The following PSD3 variants were observed in gnomAD, a reference collection of about 807,000 sequenced individuals.
The protein encoded by PSD3 is pleckstrin and Sec7 domain containing 3, also known as PH and SEC7 domain-containing protein 3.
In PSD3, 49 loss-of-function variants were observed where a neutral mutation model predicts 105.5. The ratio of observed to expected loss-of-function variants is 0.46; its 90% confidence interval spans 0.37 to 0.59. The LOEUF is 0.59. Ranked by LOEUF, PSD3 falls within the 20% of genes least tolerant of loss-of-function variation. PSD3 has a pLI of 0.00. For synonymous variants in PSD3, 557 were observed against 457.8 expected, an observed-to-expected ratio of 1.22 and a Z score of -2.77; for missense variants, 1,561 against 1,263.8, an observed-to-expected ratio of 1.24 and a Z score of -3.57.
At chr8:18,848,833 T>C (rs956100500) in intron 4 of PSD3, among the ~76,000 whole-genome samples, 2 of 152,226 alleles carry the variant, frequency 1.3e-5, no homozygotes, top group Non-Finnish European at 2.9e-5. Flanking sequence ...TTTATTGTCA[T>C]ACAAAAATGT....
rs568736083 is a variant in PSD3, at chr8:18,708,720, C to A, written c.2173-53035G>T. ...ATGGCCTACTAGAAGCAGCTCTCCT[C>A]TGTGGCTCCCACCCAGAGGAACAAA... On this transcript the variant is annotated intron_variant, in intron 9 of 15. Coordinates refer to ENST00000327040, the MANE Select transcript of PSD3 (RefSeq NM_015310.4). Among the ~76,000 whole-genome samples, 4 of 152,168 alleles carry A rather than the reference C, an allele frequency of 2.6e-5. No homozygotes were observed. In the South Asian group the frequency reaches 8.3e-4, roughly 32 times the overall value.
rs148305551 is a variant in PSD3, at chr8:19,019,145, C to T, written c.324+65061G>A. On this transcript the variant is annotated intron_variant, in intron 1 of 1. Transcript: ENST00000521475. ...GAAAGCTTAGGTAATTTACTTAGCT[C>T]TGGAAATAAATGCCAAGCAAAAAAA... 3.5e-3 allele frequency among the ~76,000 whole-genome samples: 530 copies of T among 152,170 alleles called. 3 individuals carry two copies. The highest frequency in any genetic ancestry group is 5.4e-3 in the Non-Finnish European group (365 of 68,012).
At chr8:18,919,533 T>C (rs1245975341) in intron 2 of PSD3, among the ~76,000 whole-genome samples, 1 of 151,658 alleles carries the variant, frequency 6.6e-6, no homozygotes, top group African/African-American at 2.4e-5. Context: ...TTAACAAGCA[T>C]GGAAAGCATC....
intron 9 of PSD3, among the ~76,000 whole-genome samples, chr8:18,680,918 A>G (rs1800350145): frequency 6.6e-6 from 1 of 152,210 alleles, no homozygotes; most frequent in Non-Finnish European, 1.5e-5. Context: ...ACAGTCCTTT[A>G]ACACTTTTTT....
chr8:18,602,442 A>G (rs913804660), intron 11 of PSD3, among the ~76,000 whole-genome samples: 2 of 151,958 alleles, frequency 1.3e-5, no homozygotes, highest in African/African-American at 4.8e-5. Context: ...TCTATTTCCC[A>G]CAGAAGTATA....
intron 1 of PSD3, among the ~76,000 whole-genome samples, chr8:18,949,611 G>C (rs1040749487): frequency 4.6e-5 from 7 of 152,042 alleles, no homozygotes; most frequent in Admixed American, 4.6e-4. Context: ...AGGTCACTCA[G>C]TGGAAAGCTT....
At chr8:18,738,508 G>A (rs1469840424) in intron 9 of PSD3, among the ~76,000 whole-genome samples, 1 of 152,134 alleles carries the variant, frequency 6.6e-6, no homozygotes, top group Non-Finnish European at 1.5e-5. Flanking sequence ...TCTACCACAT[G>A]CTAAATAGAA....
At chr8:18,931,250 T>A (rs1165748603) in intron 2 of PSD3, among the ~76,000 whole-genome samples, 1 of 152,156 alleles carries the variant, frequency 6.6e-6, no homozygotes, top group Non-Finnish European at 1.5e-5. Flanking sequence ...TGCGAAACCC[T>A]GATCTAGTTA....
chr8:18,566,396 G>T (rs1177973088), intron 14 of PSD3, among the ~76,000 whole-genome samples: 1 of 151,656 alleles, frequency 6.6e-6, no homozygotes, highest in Non-Finnish European at 1.5e-5. Flanking sequence ...TATGGTGGCG[G>T]GCGCCTGTAA....
intron 15 of PSD3, among the ~76,000 whole-genome samples, chr8:18,545,528 C>CT (rs1401300480): frequency 6.6e-6 from 1 of 152,152 alleles, no homozygotes; most frequent in East Asian, 1.9e-4. Flanking sequence ...TAAGCTTCCA[C>CT]TTACCCAAGA....
At chr8:18,828,977 T>A (rs897583264) in intron 4 of PSD3, among the ~76,000 whole-genome samples, 2 of 151,924 alleles carry the variant, frequency 1.3e-5, no homozygotes, top group African/African-American at 4.8e-5. Flanking sequence ...GAGGCTGAGG[T>A]GGGCGGACGG....
chr8:18,840,746 G>C (rs1814553176), intron 4 of PSD3, among the ~76,000 whole-genome samples: 1 of 152,178 alleles, frequency 6.6e-6, no homozygotes, highest in Non-Finnish European at 1.5e-5. Flanking sequence ...GCCTCTCTGG[G>C]AGAGGTCTGT....
intron 9 of PSD3, among the ~76,000 whole-genome samples, chr8:18,716,190 G>C (rs139154698): frequency 6.6e-6 from 1 of 152,148 alleles, no homozygotes; most frequent in African/African-American, 2.4e-5. Flanking sequence ...AAAGGTCAAA[G>C]AAAAACTTCA....
upstream of PSD3, among the ~76,000 whole-genome samples, chr8:19,015,946 A>AT (rs560611990): frequency 7.9e-3 from 1,203 of 152,342 alleles, 15 homozygotes; most frequent in African/African-American, 0.027. Context: ...TTAAATAATC[A>AT]TTCATTCGTC....
intron 8 of PSD3, among the ~76,000 whole-genome samples, chr8:18,785,746 T>C (rs1490355007): frequency 6.6e-6 from 1 of 152,214 alleles, no homozygotes; most frequent in Non-Finnish European, 1.5e-5. Context: ...ATGAAACTCT[T>C]CCTTTCACTT....
intron 9 of PSD3, among the ~76,000 whole-genome samples, chr8:18,710,398 A>C (rs1802179428): frequency 6.6e-6 from 1 of 152,322 alleles, no homozygotes; most frequent in Middle Eastern, 3.4e-3. Context: ...CAGGGGGAAC[A>C]GAACCAGGTT....
chr8:18,850,924 C>T (rs77833041), intron 4 of PSD3, among the ~76,000 whole-genome samples: 5,620 of 152,218 alleles, frequency 0.037, 349 homozygotes, highest in African/African-American at 0.13. Flanking sequence ...CCCCCCCTCC[C>T]TTCTGAATAC....
intron 11 of PSD3, among the ~76,000 whole-genome samples, chr8:18,628,449 A>G (rs935612732): frequency 6.6e-6 from 1 of 151,912 alleles, no homozygotes; most frequent in Non-Finnish European, 1.5e-5. Flanking sequence ...TTAAGTATTG[A>G]AAGGAAAAAC....
chr8:18,973,610 T>C (rs1316820755), intron 1 of PSD3, among the ~76,000 whole-genome samples: 3 of 152,178 alleles, frequency 2.0e-5, no homozygotes, highest in East Asian at 1.9e-4. Flanking sequence ...CAGCACACTA[T>C]GGGTTAGAAC....
Sources: gnomAD v4.1 joint callset for allele counts (sites outside exome capture counted in the v4.1 genomes callset) on GRCh38, gnomAD v4.1.1 for gene constraint, MANE v1.5 for transcripts, NCBI Gene and HGNC (gene_info 2026-07-23, HGNC 2026-07-21) for gene names.